The following MID1 variants were observed in gnomAD, a reference collection of about 807,000 sequenced individuals.
MID1 encodes the protein E3 ubiquitin-protein ligase Midline-1.
In MID1, 7 loss-of-function variants were observed where a neutral mutation model predicts 40.4. The ratio of observed to expected loss-of-function variants is 0.17; its 90% confidence interval spans 0.10 to 0.33. MID1 has a LOEUF of 0.33. Among genes scored for constraint, MID1 ranks in the 10% least tolerant of loss-of-function variants. The pLI is 1.00. For synonymous variants in MID1, 229 were observed against 221.2 expected, an observed-to-expected ratio of 1.04 and a Z score of -0.31; for missense variants, 367 against 558.5, an observed-to-expected ratio of 0.66 and a Z score of 3.46.
intron 1 of MID1, among the ~76,000 whole-genome samples, chrX:10,680,679 C>T (rs2043052976): frequency 9.0e-6 from 1 of 110,997 alleles, no homozygotes; most frequent in African/African-American, 3.3e-5. Flanking sequence ...AAGCTCACAT[C>T]AAAGTTCCTT....
At chrX:10,797,811 A>G (rs758153185) in intron 1 of MID1, among the ~76,000 whole-genome samples, 3 of 111,962 alleles carry the variant, frequency 2.7e-5, no homozygotes, top group Non-Finnish European at 5.6e-5. Context: ...ACAAGCAAAC[A>G]TGCAAAAACC....
chrX:10,601,238 C>A (rs1485407000), intron 1 of MID1, among the ~76,000 whole-genome samples: 1 of 111,897 alleles, frequency 8.9e-6, no homozygotes. Context: ...TTAGTAGAGT[C>A]CCTTTCTCAG....
At chrX:10,487,553 A>AC (rs1185251500) in intron 4 of MID1, among the ~76,000 whole-genome samples, 1 of 111,462 alleles carries the variant, frequency 9.0e-6, no homozygotes, top group Non-Finnish European at 1.9e-5. Context: ...ATATGTATGC[A>AC]CCCATGAAAC....
At chrX:10,464,592 G>A (rs1428750696) in intron 7 of MID1, among the ~76,000 whole-genome samples, 3 of 111,907 alleles carry the variant, frequency 2.7e-5, no homozygotes, top group African/African-American at 9.7e-5. Context: ...AATTGGTCCT[G>A]CCTTTACTCC....
chrX:10,591,314 T>C (rs989110964), intron 1 of MID1, among the ~76,000 whole-genome samples: 1 of 112,529 alleles, frequency 8.9e-6, no homozygotes, highest in Admixed American at 9.4e-5. Context: ...TTCTCTCTTT[T>C]ACGTAGCTCC....
chrX:10,707,698 A>ATT (rs1460592884), intron 1 of MID1, among the ~76,000 whole-genome samples: 3 of 112,392 alleles, frequency 2.7e-5, no homozygotes, highest in Non-Finnish European at 1.9e-5. Flanking sequence ...GAATAGACAC[A>ATT]TTTTTAATCT....
intron 1 of MID1, among the ~76,000 whole-genome samples, chrX:10,706,499 T>C (rs766842366): frequency 4.8e-4 from 53 of 110,614 alleles, no homozygotes; most frequent in African/African-American, 1.6e-3. Context: ...TAGTGAATTC[T>C]CACGAGATCT....
chrX:10,668,621 G>A (rs2042965478), intron 1 of MID1, among the ~76,000 whole-genome samples: 1 of 112,180 alleles, frequency 8.9e-6, no homozygotes, highest in Non-Finnish European at 1.9e-5. Context: ...GTAGCTTCAC[G>A]CCTCTGTACA....
At chrX:10,698,783 G>A (rs955636264) in intron 1 of MID1, among the ~76,000 whole-genome samples, 1 of 109,445 alleles carries the variant, frequency 9.1e-6, no homozygotes, top group African/African-American at 3.3e-5. Flanking sequence ...CCCCGTAAAG[G>A]CAGGGAATGC....
chrX:10,526,473 T>C (rs1383833387), intron 2 of MID1, among the ~76,000 whole-genome samples: 1 of 111,818 alleles, frequency 8.9e-6, no homozygotes, highest in African/African-American at 3.3e-5. Flanking sequence ...ACTTTTTTGG[T>C]ATGTTAATAC....
chrX:10,786,520 T>C (rs2043884864), intron 1 of MID1, among the ~76,000 whole-genome samples: 1 of 111,136 alleles, frequency 9.0e-6, no homozygotes, highest in African/African-American at 3.3e-5. Context: ...CATGCACATG[T>C]ATGTTTATTG....
intron 1 of MID1, among the ~76,000 whole-genome samples, chrX:10,709,122 T>C (rs1009467599): frequency 8.9e-6 from 1 of 112,063 alleles, no homozygotes; most frequent in Non-Finnish European, 1.9e-5. Context: ...GGGGAGACAT[T>C]TTAATGGTGT....
rs184134797 is a variant in MID1, at chrX:10,825,785, G to C, written c.-187+7769C>G. Reference sequence around the variant, plus strand: ...AGGTAAACTTACAGAGATCTTGGCTGTCAAGACCCTCATATCCCACCCCAG... The same window carrying C: ...AGGTAAACTTACAGAGATCTTGGCTCTCAAGACCCTCATATCCCACCCCAG... On this transcript the variant is annotated intron_variant, in intron 1 of 10. Coordinates refer to the MID1 transcript ENST00000380785. Among the ~76,000 whole-genome samples, 522 of 111,525 alleles carry C rather than the reference G, an allele frequency of 4.7e-3. 4 individuals are homozygous for C. Among genetic ancestry groups the C allele is most frequent in the African/African-American group, 0.017 (509 of 30,665 alleles).
intron 1 of MID1, among the ~76,000 whole-genome samples, chrX:10,689,458 C>T (rs1156898857): frequency 1.8e-5 from 2 of 111,577 alleles, no homozygotes; most frequent in Admixed American, 1.9e-4. Flanking sequence ...TCAGTTCCCT[C>T]CCCTGACATG....
chrX:10,590,652 T>C (rs1372096194), intron 1 of MID1, among the ~76,000 whole-genome samples: 1 of 112,552 alleles, frequency 8.9e-6, no homozygotes, highest in African/African-American at 3.2e-5. Flanking sequence ...CCATAAACGC[T>C]AGGAAGCTTC....
intron 2 of MID1, among the ~76,000 whole-genome samples, chrX:10,538,060 C>T (rs988348074): frequency 4.5e-5 from 5 of 111,626 alleles, no homozygotes; most frequent in Non-Finnish European, 9.4e-5. Context: ...CAGCCTTGAC[C>T]TCCCAGGTTC....
chrX:10,526,320 CA>C (rs1166080012), intron 2 of MID1, among the ~76,000 whole-genome samples: 1 of 108,940 alleles, frequency 9.2e-6, no homozygotes, highest in South Asian at 3.9e-4. Flanking sequence ...CAACAAAAGC[CA>C]AAGTTTTTTT....
chrX:10,465,942 A>G (rs777906542), intron 7 of MID1, among the ~76,000 whole-genome samples: 20 of 112,447 alleles, frequency 1.8e-4, no homozygotes, highest in African/African-American at 6.1e-4. Context: ...AACTGTTAGC[A>G]CTTTTCCTGA....
chrX:10,591,852 T>C (rs1316445913), intron 1 of MID1, among the ~76,000 whole-genome samples: 2 of 111,100 alleles, frequency 1.8e-5, no homozygotes, highest in Non-Finnish European at 3.8e-5. Context: ...CCTCTATTTT[T>C]TCCCCCGGGT....
Sources: gnomAD v4.1 joint callset for allele counts (sites outside exome capture counted in the v4.1 genomes callset) on GRCh38, gnomAD v4.1.1 for gene constraint, MANE v1.5 for transcripts, NCBI Gene and HGNC (gene_info 2026-07-23, HGNC 2026-07-21) for gene names.